The following CAMK1D variants were observed in gnomAD, a reference collection of about 807,000 sequenced individuals.
CAMK1D encodes the protein calcium/calmodulin dependent protein kinase ID.
Under a neutral mutation model 47.7 loss-of-function variants are expected in CAMK1D, and 9 were observed. The ratio of observed to expected loss-of-function variants is 0.19; its 90% CI spans 0.11 to 0.33. CAMK1D has a LOEUF of 0.33. CAMK1D is among the 10% of genes least tolerant of loss of function. The probability of loss-of-function intolerance (pLI) is 1.00; values close to 1 mark genes in which losing one functional copy is unlikely to be tolerated. For missense variants in CAMK1D, 291 were observed against 488.7 expected, an observed-to-expected ratio of 0.60 and a Z score of 3.81; for synonymous variants, 184 against 184.9, an observed-to-expected ratio of 0.99 and a Z score of 0.04.
chr10:12,832,558 T>G lies in CAMK1D; in HGVS notation c.*3671T>G, dbSNP rs1833436686. 1 of 152,218 alleles carries G rather than the reference T, an allele frequency of 6.6e-6. No homozygotes were observed. The highest frequency in any genetic ancestry group is 1.5e-5 in the Non-Finnish European group (1 of 68,046). 9.4% of individuals were successfully genotyped at this position (152,218 alleles called of 1,614,324 possible). On this transcript the variant is annotated 3_prime_UTR_variant, in exon 11 of 11. Transcript: ENST00000619168. ...TCCTACCCCTGCCTCTGTCGGAGAC[T>G]AGAAAACATTCTACCCCTTCAGGTC... is the stretch of plus-strand genomic sequence containing the variant.
intron 1 of CAMK1D, among the ~76,000 whole-genome samples, chr10:12,546,220 C>A (rs979489270): frequency 6.6e-6 from 1 of 151,912 alleles, no homozygotes; most frequent in African/African-American, 2.4e-5. Context: ...CTGGGGGCTA[C>A]GGGACCAGGA....
chr10:12,374,014 C>T (rs1838092629), intron 1 of CAMK1D, among the ~76,000 whole-genome samples: 1 of 146,574 alleles, frequency 6.8e-6, no homozygotes, highest in African/African-American at 2.5e-5. Flanking sequence ...AATCCTAGCA[C>T]TTTGGGAGGC....
rs537024177 is a variant in CAMK1D, at chr10:12,557,479, G to C, written c.224+4123G>C. ...AGGCAGGAGAATGGTGTGAACCCGG[G>C]AGGCAGAGCTTGAAGTGAGCCCAGA... On this transcript the variant is annotated intron_variant, in intron 2 of 10. Transcript: ENST00000619168. Among the ~76,000 whole-genome samples, 1,451 of 151,114 alleles carry C rather than the reference G, an allele frequency of 9.6e-3. 18 individuals are homozygous for C. The highest frequency in any genetic ancestry group is 0.033 in the African/African-American group (1,366 of 41,054).
rs997836871 is a variant in CAMK1D at position 12,548,767 on chromosome 10, T to G, written c.93-4458T>G. 1.1e-4 allele frequency among the ~76,000 whole-genome samples: 16 copies of G among 150,130 alleles called. 1 individual carries two copies. The highest frequency in any genetic ancestry group is 3.7e-4 in the African/African-American group (15 of 40,794). ...GGCATGAGCCACCGCGCCCGGCCTA[T>G]TTTAACCATTTTACAGAGTACAGTT... is the stretch of plus-strand genomic sequence containing the variant. On this transcript the variant is annotated intron_variant, in intron 1 of 10. Coordinates refer to ENST00000619168, the MANE Select transcript of CAMK1D (RefSeq NM_153498.4).
intron 5 of CAMK1D, among the ~76,000 whole-genome samples, chr10:12,782,638 A>AG (rs1320967038): frequency 1.3e-5 from 2 of 152,258 alleles, no homozygotes; most frequent in East Asian, 1.9e-4. Context: ...CCCCACCAGC[A>AG]GGGGGGGCAT....
intron 2 of CAMK1D, among the ~76,000 whole-genome samples, chr10:12,631,787 GAA>G (rs1839386126): frequency 6.6e-6 from 1 of 151,930 alleles, no homozygotes; most frequent in Non-Finnish European, 1.5e-5. Context: ...TCAGAATTGG[GAA>G]CAATTCTGAT....
At chr10:12,684,012 C>T (rs1357685646) in intron 3 of CAMK1D, among the ~76,000 whole-genome samples, 2 of 151,990 alleles carry the variant, frequency 1.3e-5, no homozygotes, top group Non-Finnish European at 2.9e-5. Flanking sequence ...GTCGTTAAAA[C>T]ATACAAATTA....
In CAMK1D at chr10:12,782,986, T is replaced by TG. The variant is rs1198625517; in HGVS notation, c.566-8172_566-8171insG. On this transcript the variant is annotated intron_variant, in intron 5 of 10. Transcript: ENST00000619168. ...GAGTAAATTCAGTATTTTCAGTTTT[T>TG]TTTTTTTTTGTTTTTTTTTTTTTTG... is the stretch of plus-strand genomic sequence containing the variant. 2.1e-3 allele frequency among the ~76,000 whole-genome samples: 279 copies of TG among 133,228 alleles called. 8 individuals are homozygous for TG. The highest frequency in any genetic ancestry group is 6.3e-3 in the African/African-American group (228 of 36,046). The allele number at this position is 133,228 out of a possible 152,430, so 87.4% of individuals were successfully genotyped here.
At chr10:12,758,954 G>A (rs937219038) in intron 3 of CAMK1D, among the ~76,000 whole-genome samples, 7 of 152,204 alleles carry the variant, frequency 4.6e-5, no homozygotes, top group East Asian at 1.9e-4. Flanking sequence ...CAGACGTTCC[G>A]CCTTCAGAGT....
intron 1 of CAMK1D, among the ~76,000 whole-genome samples, chr10:12,355,457 T>C (rs931004708): frequency 6.6e-6 from 1 of 152,072 alleles, no homozygotes; most frequent in Non-Finnish European, 1.5e-5. Context: ...TGTGTTTGTG[T>C]GTGCGTGTGT....
chr10:12,499,192 G>A (rs1156233656), intron 1 of CAMK1D, among the ~76,000 whole-genome samples: 1 of 151,520 alleles, frequency 6.6e-6, no homozygotes, highest in Non-Finnish European at 1.5e-5. Context: ...AAGGCTTCCT[G>A]GGCAGTTCTT....
intron 3 of CAMK1D, among the ~76,000 whole-genome samples, chr10:12,693,984 T>A (rs1408652055): frequency 3.5e-3 from 7 of 2,020 alleles, no homozygotes; most frequent in South Asian, 0.048. Flanking sequence ...ATATATATTA[T>A]ATATACATAT....
chr10:12,498,850 T>C (rs1834618893), intron 1 of CAMK1D, among the ~76,000 whole-genome samples: 2 of 152,176 alleles, frequency 1.3e-5, no homozygotes, highest in Non-Finnish European at 2.9e-5. Flanking sequence ...TTTAGTACTT[T>C]GCAGATGAAG....
chr10:12,494,431 CAT>C (rs777997846), intron 1 of CAMK1D, among the ~76,000 whole-genome samples: 19 of 152,084 alleles, frequency 1.2e-4, no homozygotes, highest in Admixed American at 1.1e-3. Context: ...CACACACACA[CAT>C]ATATACTTAT....
At chr10:12,725,356 T>G (rs908813263) in intron 3 of CAMK1D, 2 of 155,956 alleles carry the variant, frequency 1.3e-5, no homozygotes, top group Non-Finnish European at 2.9e-5. Context: ...CCTAATATAT[T>G]CTTACGTGTG....
chr10:12,667,315 CATAAG>C (rs1326311176), intron 3 of CAMK1D, among the ~76,000 whole-genome samples: 1 of 152,208 alleles, frequency 6.6e-6, no homozygotes, highest in Non-Finnish European at 1.5e-5. Context: ...TCGTGCCAGA[CATAAG>C]AGAAGTATAA....
intron 2 of CAMK1D, among the ~76,000 whole-genome samples, chr10:12,616,569 G>T (rs904017544): frequency 2.0e-5 from 3 of 152,124 alleles, no homozygotes; most frequent in East Asian, 1.9e-4. Context: ...CCAGGCTGGG[G>T]TGCAGTGGTG....
intron 1 of CAMK1D, among the ~76,000 whole-genome samples, chr10:12,418,010 C>T (rs931737428): frequency 6.6e-6 from 1 of 152,148 alleles, no homozygotes; most frequent in Non-Finnish European, 1.5e-5. Context: ...CTATGTTGGC[C>T]AGGCTGGTCT....
chr10:12,421,514 T>G (rs1481006475), intron 1 of CAMK1D, among the ~76,000 whole-genome samples: 1 of 25,352 alleles, frequency 3.9e-5, no homozygotes, highest in Non-Finnish European at 7.5e-5. Context: ...CAGGATTCTT[T>G]TTTTTTTTTT....
Sources: allele counts gnomAD v4.1 joint callset (sites outside exome capture counted in the v4.1 genomes callset), GRCh38; gene constraint gnomAD v4.1.1; transcripts MANE v1.5; gene names NCBI Gene and HGNC (gene_info 2026-07-23, HGNC 2026-07-21).